EPHA3: variants seen among roughly 807,000 people sequenced by gnomAD.
EPHA3 encodes the protein EPH receptor A3, also known as ephrin type-A receptor 3.
EPHA3 carries 42 observed loss-of-function variants against 107.1 expected under a neutral mutation model. That is an observed-to-expected ratio of 0.39 (90% CI 0.31 to 0.51). The LOEUF is 0.51. Ranked by LOEUF, EPHA3 falls within the 20% of genes least tolerant of loss-of-function variation. The pLI is 0.78. For missense variants in EPHA3, 1,183 were observed against 1,211.2 expected (o/e 0.98, Z 0.35); for synonymous variants, 461 against 424.8 (o/e 1.09, Z -1.05).
chr3:89,375,949 G>A (rs1233540257), intron 5 of EPHA3, among the ~76,000 whole-genome samples: 3 of 151,778 alleles, frequency 2.0e-5, no homozygotes, highest in Non-Finnish European at 4.4e-5. Context: ...CTCCATAAAG[G>A]CAGGCGACAC....
intron 13 of EPHA3, among the ~76,000 whole-genome samples, chr3:89,444,880 C>T (rs987748): frequency 6.6e-6 from 1 of 151,822 alleles, no homozygotes; most frequent in Non-Finnish European, 1.5e-5. Flanking sequence ...TAAACTAATC[C>T]GTCTAATAAG....
At chr3:89,270,587 G>A (rs1406125768) in intron 3 of EPHA3, among the ~76,000 whole-genome samples, 1 of 152,036 alleles carries the variant, frequency 6.6e-6, no homozygotes, top group African/African-American at 2.4e-5. Flanking sequence ...CTCTTATTGA[G>A]TGTTTCTTTT....
intron 3 of EPHA3, among the ~76,000 whole-genome samples, chr3:89,327,611 A>G (rs1178162286): frequency 6.6e-6 from 1 of 152,154 alleles, no homozygotes; most frequent in Non-Finnish European, 1.5e-5. Context: ...TAAATACTTT[A>G]TTTAATTGTG....
At chr3:89,476,140 TATATATA>T (rs886639623) in intron 16 of EPHA3, among the ~76,000 whole-genome samples, 13 of 147,494 alleles carry the variant, frequency 8.8e-5, no homozygotes, top group East Asian at 2.0e-4. Context: ...TATTATATAT[TATATATA>T]ATATATAATG....
chr3:89,211,786 T>C (rs561542130), intron 3 of EPHA3, among the ~76,000 whole-genome samples: 6 of 142,614 alleles, frequency 4.2e-5, no homozygotes, highest in African/African-American at 1.6e-4. Flanking sequence ...CTTCTTCTTC[T>C]TCTTCTTCTT....
intron 3 of EPHA3, among the ~76,000 whole-genome samples, chr3:89,260,608 A>G (rs955246438): frequency 1.3e-5 from 2 of 151,852 alleles, no homozygotes; most frequent in African/African-American, 4.8e-5. Flanking sequence ...TGTGTGATAT[A>G]TTTTTCCAGT....
intron 15 of EPHA3, among the ~76,000 whole-genome samples, chr3:89,470,993 G>T (rs1710389857): frequency 6.6e-6 from 1 of 152,082 alleles, no homozygotes; most frequent in Non-Finnish European, 1.5e-5. Context: ...GAAAACAAGG[G>T]CCTTAAAAAC....
rs774612991 is a variant in EPHA3, at chr3:89,407,308, T to C, written c.1634T>C (p.Ile545Thr). 1 of 1,613,670 alleles carries C rather than the reference T, an allele frequency of 6.2e-7. No homozygotes were observed. Among genetic ancestry groups the C allele is most frequent in the East Asian group, 2.2e-5 (1 of 44,846 alleles). The change falls in exon 8 of 17, where the codon ATC (isoleucine) becomes ACC (threonine). Residue 545 changes from isoleucine (I) to threonine (T), a missense_variant. Ile to Thr is a moderately conservative substitution (Grantham distance 89). Coordinates refer to ENST00000336596, the MANE Select transcript of EPHA3 (RefSeq NM_005233.6). ...GGTGAAAGTAGCCAAGTGGTCATGA[T>C]CGCCATTTCAGCGGCAGTAGCAATT... Reference protein sequence around the residue: ...ISGESSQVVMIAISAAVAIIL... With the variant: ...ISGESSQVVMTAISAAVAIIL...
At chr3:89,394,102 A>C (rs1299522929) in intron 5 of EPHA3, among the ~76,000 whole-genome samples, 2 of 152,110 alleles carry the variant, frequency 1.3e-5, no homozygotes, top group Non-Finnish European at 2.9e-5. Flanking sequence ...CAACACCTAC[A>C]TTTTTCCTTG....
At chr3:89,363,460 T>C (rs1708134233) in intron 5 of EPHA3, among the ~76,000 whole-genome samples, 2 of 150,790 alleles carry the variant, frequency 1.3e-5, no homozygotes, top group Admixed American at 6.7e-5. Context: ...TCTTAAGGGT[T>C]CTCTATTTTT....
intron 3 of EPHA3, among the ~76,000 whole-genome samples, chr3:89,223,588 C>T (rs1355168448): frequency 6.6e-6 from 1 of 152,142 alleles, no homozygotes; most frequent in Non-Finnish European, 1.5e-5. Context: ...CTGAGATTTA[C>T]CCAGCAGGGT....
intron 12 of EPHA3, among the ~76,000 whole-genome samples, chr3:89,429,757 G>GTTTT (rs1253910412): frequency 6.6e-6 from 1 of 150,826 alleles, no homozygotes; most frequent in Non-Finnish European, 1.5e-5. Context: ...TTGAGATGGA[G>GTTTT]TTTTACTCTT....
intron 3 of EPHA3, among the ~76,000 whole-genome samples, chr3:89,240,513 A>G (rs2107242742): frequency 6.6e-6 from 1 of 152,230 alleles, no homozygotes; most frequent in African/African-American, 2.4e-5. Flanking sequence ...TCTTTATTTT[A>G]TGATAGTCAA....
At chr3:89,114,350 A>G (rs1707199520) in intron 1 of EPHA3, among the ~76,000 whole-genome samples, 1 of 152,184 alleles carries the variant, frequency 6.6e-6, no homozygotes, top group African/African-American at 2.4e-5. Flanking sequence ...ACCCACCATC[A>G]GGGTGTCTTA....
At chr3:89,432,856 C>T (rs1709595469) in intron 13 of EPHA3, among the ~76,000 whole-genome samples, 1 of 151,840 alleles carries the variant, frequency 6.6e-6, no homozygotes, top group Admixed American at 6.6e-5. Context: ...AAATCAATGC[C>T]ATTTTGTTTT....
intron 5 of EPHA3, among the ~76,000 whole-genome samples, chr3:89,350,845 C>G (rs1707795672): frequency 6.6e-6 from 1 of 151,110 alleles, no homozygotes; most frequent in African/African-American, 2.4e-5. Context: ...AGACAGGACC[C>G]TCAGCTGCAG....
chr3:89,222,932 A>G (rs1430597487), intron 3 of EPHA3, among the ~76,000 whole-genome samples: 6 of 152,176 alleles, frequency 3.9e-5, no homozygotes, highest in African/African-American at 1.4e-4. Context: ...GTGTGGAACT[A>G]ATTTTCTTTG....
chr3:89,114,956 C>T (rs1305371150), intron 1 of EPHA3, among the ~76,000 whole-genome samples: 1 of 152,186 alleles, frequency 6.6e-6, no homozygotes, highest in African/African-American at 2.4e-5. Context: ...TGCCGCCTTT[C>T]GCATTGCTGT....
intron 3 of EPHA3, among the ~76,000 whole-genome samples, chr3:89,296,078 A>G (rs1706347341): frequency 6.6e-6 from 1 of 152,162 alleles, no homozygotes; most frequent in South Asian, 2.1e-4. Context: ...CATTTCCACA[A>G]CATAGGCAGT....
Sources: allele counts gnomAD v4.1 joint callset (sites outside exome capture counted in the v4.1 genomes callset), GRCh38; gene constraint gnomAD v4.1.1; transcripts MANE v1.5; gene names NCBI Gene and HGNC (gene_info 2026-07-23, HGNC 2026-07-21).